The following ABLIM1 variants were observed in gnomAD, a reference collection of about 807,000 sequenced individuals.
ABLIM1 encodes actin-binding LIM protein 1.
In ABLIM1, 40 loss-of-function variants were observed where a neutral mutation model predicts 107.0. The observed-to-expected ratio is 0.37, with a 90% confidence interval of 0.29 to 0.49. ABLIM1 has a LOEUF of 0.49. Among genes scored for constraint, ABLIM1 ranks in the 20% least tolerant of loss-of-function variants. The pLI, the probability that ABLIM1 is intolerant of heterozygous loss-of-function variation, is 0.97. For synonymous variants in ABLIM1, 357 were observed against 357.3 expected (o/e 1.00, Z 0.01); for missense variants, 857 against 1,008.5 (o/e 0.85, Z 2.04).
chr10:114,630,447 C>T (rs1373544682), intron 1 of ABLIM1, among the ~76,000 whole-genome samples: 1 of 152,218 alleles, frequency 6.6e-6, no homozygotes, highest in Non-Finnish European at 1.5e-5. Context: ...AATCATTTCA[C>T]TCAATTACCA....
rs555549519 is a variant in ABLIM1 at position 114,470,516 on chromosome 10, A to T, written c.1276-2300T>A. ...GGAATAAATAATAGAACAGCTTGTAAATTTCTCTCAGTTGCAAGATGCAAG... is the reference window on the plus strand; with the variant it reads ...GGAATAAATAATAGAACAGCTTGTATATTTCTCTCAGTTGCAAGATGCAAG... On this transcript the variant is annotated intron_variant, in intron 10 of 22. Transcript: ENST00000533213. 1.3e-4 allele frequency among the ~76,000 whole-genome samples: 20 copies of T among 152,174 alleles called. No homozygotes were observed. In the South Asian group the frequency reaches 3.9e-3, roughly 30 times the overall value.
intron 1 of ABLIM1, among the ~76,000 whole-genome samples, chr10:114,767,865 C>G (rs74878025): frequency 0.021 from 3,211 of 152,184 alleles, 72 homozygotes; most frequent in African/African-American, 0.064. Context: ...TTAGGCTCGC[C>G]CACATCCGGG....
intron 6 of ABLIM1, among the ~76,000 whole-genome samples, chr10:114,507,010 G>A (rs922509445): frequency 6.6e-6 from 1 of 152,174 alleles, no homozygotes; most frequent in Non-Finnish European, 1.5e-5. Context: ...CCATTCCTCT[G>A]AGTTATCAAG....
At chr10:114,582,867 T>A (rs1040716919) in intron 2 of ABLIM1, among the ~76,000 whole-genome samples, 2 of 152,164 alleles carry the variant, frequency 1.3e-5, no homozygotes, top group Admixed American at 6.5e-5. Flanking sequence ...TAACTCAAGA[T>A]AGATTAAAGG....
chr10:114,476,852 AC>A (rs1018944520), intron 8 of ABLIM1, among the ~76,000 whole-genome samples: 1 of 152,098 alleles, frequency 6.6e-6, no homozygotes, highest in Non-Finnish European at 1.5e-5. Context: ...CCAGGATCTC[AC>A]ATTTTCCAAA....
chr10:114,769,436 AAAGAAAGAAAGAAAGAAAG>A (rs1352987344), upstream of ABLIM1, among the ~76,000 whole-genome samples: 7 of 40,056 alleles, frequency 1.7e-4, no homozygotes, highest in Non-Finnish European at 5.1e-4. Context: ...AGAAAGAAAG[AAAGAAAGAAAGAAAGAAAG>A]AAAGAAAGAA....
At chr10:114,798,534 C>G in the ABLIM1 span, among the ~76,000 whole-genome samples, 1 of 149,116 alleles carries the variant, frequency 6.7e-6, no homozygotes, top group Admixed American at 6.7e-5. Flanking sequence ...GAGTTCAAGA[C>G]CAGCCTGGGC....
chr10:114,537,972 CA>C (rs766383641), intron 6 of ABLIM1, among the ~76,000 whole-genome samples: 1 of 152,300 alleles, frequency 6.6e-6, no homozygotes, highest in South Asian at 2.1e-4. Context: ...CTGATGGTGA[CA>C]AAAAGATTAG....
intron 10 of ABLIM1, among the ~76,000 whole-genome samples, chr10:114,470,468 A>G (rs1302442868): frequency 2.0e-5 from 3 of 152,054 alleles, no homozygotes; most frequent in Non-Finnish European, 4.4e-5. Context: ...GAGGTCTATA[A>G]AAGAAGTGTG....
At chr10:114,588,357 G>A (rs1175191937) in intron 2 of ABLIM1, among the ~76,000 whole-genome samples, 1 of 137,298 alleles carries the variant, frequency 7.3e-6, no homozygotes, top group Non-Finnish European at 1.5e-5. Context: ...CATTTAATGA[G>A]GCTGTTTTGA....
chr10:114,512,827 A>AGAAG (rs146841851), intron 6 of ABLIM1, among the ~76,000 whole-genome samples: 5 of 81,774 alleles, frequency 6.1e-5, no homozygotes, highest in Non-Finnish European at 1.2e-4. Flanking sequence ...TCCATCAGAT[A>AGAAG]GAAGGAAGGA....
intron 1 of ABLIM1, among the ~76,000 whole-genome samples, chr10:114,611,256 C>T (rs544083835): frequency 6.6e-5 from 10 of 152,220 alleles, no homozygotes; most frequent in Admixed American, 3.3e-4. Flanking sequence ...CACCTGATGT[C>T]GGGAGTCCGA....
chr10:114,726,083 G>A (rs376642781), intron 1 of ABLIM1, among the ~76,000 whole-genome samples: 20 of 152,028 alleles, frequency 1.3e-4, no homozygotes, highest in East Asian at 1.2e-3. Flanking sequence ...TTTTAAAAGC[G>A]TTTCCATATT....
In ABLIM1 at chr10:114,560,921, C is replaced by G. The variant is rs141706935; in HGVS notation, c.673+10376G>C. 3.3e-5 allele frequency among the ~76,000 whole-genome samples: 5 copies of G among 152,188 alleles called. No individual in the cohort carries two copies. The East Asian group carries it at 9.6e-4, about 29-fold the overall frequency. The stretch of plus-strand genomic sequence containing the variant: ...ACTGCCTAATGGGTACAGGAATTTT[C>G]TTTTGGGGTGATGAAAATGTTTTGG... On this transcript the variant is annotated intron_variant, in intron 4 of 22. Coordinates refer to ENST00000533213, the MANE Select transcript of ABLIM1 (RefSeq NM_002313.7).
chr10:114,758,530 T>C (rs1184663456), intron 1 of ABLIM1, among the ~76,000 whole-genome samples: 2 of 152,160 alleles, frequency 1.3e-5, no homozygotes, highest in Non-Finnish European at 2.9e-5. Flanking sequence ...CTTTTCTACA[T>C]TTTTTTGACT....
the ABLIM1 span, among the ~76,000 whole-genome samples, chr10:114,788,134 T>A: frequency 1.3e-5 from 2 of 151,638 alleles, no homozygotes; most frequent in Non-Finnish European, 2.9e-5. Context: ...GAAGGCAGCA[T>A]GCTCGTTAAG....
At chr10:114,483,670 T>C (rs935097841) in intron 8 of ABLIM1, among the ~76,000 whole-genome samples, 2 of 152,196 alleles carry the variant, frequency 1.3e-5, no homozygotes, top group Non-Finnish European at 2.9e-5. Context: ...GTCTTTTCCA[T>C]CGTGCAAAGA....
intron 12 of ABLIM1, among the ~76,000 whole-genome samples, chr10:114,456,933 TTA>T (rs1491278283): frequency 4.9e-4 from 58 of 118,866 alleles, no homozygotes; most frequent in African/African-American, 2.0e-3. Flanking sequence ...TGTTTTTTTT[TTA>T]AAAAAAAAAA....
intron 17 of ABLIM1, among the ~76,000 whole-genome samples, chr10:114,443,624 T>C (rs12763610): frequency 2.9e-5 from 4 of 140,248 alleles, no homozygotes; most frequent in Non-Finnish European, 4.5e-5. Context: ...CTATTGAAGA[T>C]ATTAATGTAA....
Sources: allele counts gnomAD v4.1 joint callset (sites outside exome capture counted in the v4.1 genomes callset), GRCh38; gene constraint gnomAD v4.1.1; transcripts MANE v1.5; gene names NCBI Gene and HGNC (gene_info 2026-07-23, HGNC 2026-07-21).